Variants in MAN1B1 observed in about 807,000 individuals in gnomAD.
The protein encoded by MAN1B1 is mannosidase alpha class 1B member 1, also known as endoplasmic reticulum mannosyl-oligosaccharide 1,2-alpha-mannosidase.
Under a neutral mutation model 75.5 loss-of-function variants are expected in MAN1B1, and 66 were observed. The observed-to-expected ratio is 0.87, with a 90% CI of 0.72 to 1.07. The LOEUF (loss-of-function observed/expected upper bound fraction) is 1.07. Among genes scored for constraint, MAN1B1 ranks in the 50% least tolerant of loss-of-function variants. MAN1B1 has a pLI of 0.00. For missense variants in MAN1B1, 973 were observed against 912.5 expected, an observed-to-expected ratio of 1.07 and a Z score of -0.85; for synonymous variants, 453 against 382.8, an observed-to-expected ratio of 1.18 and a Z score of -2.14.
chr9:137,107,137 C>T, intron 10 of MAN1B1, 113 bp from the exon 11 acceptor site: 3 of 1,217,128 alleles, frequency 2.5e-6, no homozygotes, highest in East Asian at 2.5e-5. Context: ...GTGGCCTCCC[C>T]TCCCAGGGTA....
chr9:137,101,942 T>TG (rs1441674012), intron 8 of MAN1B1: 2 of 588,570 alleles, frequency 3.4e-6, no homozygotes, highest in African/African-American at 4.0e-5. Flanking sequence ...TTTGGGCTGT[T>TG]GCAGGCGTAC....
chr9:137,099,841 C>G lies in MAN1B1; in HGVS notation c.876C>G (p.Ile292Met), dbSNP rs762612795. The G allele has an allele frequency of 5.6e-6, 9 of 1,614,094 alleles. No homozygotes were observed. The highest frequency in any genetic ancestry group is 1.3e-5 in the African/African-American group (1 of 74,940). ...SEWFGLGLTL[I>M]DALDTMWILG... ...GGTTTGGCCTCGGTCTCACACTGATCGACGCGCTGGACACCATGTGGATCT... is the reference window on the plus strand; with the variant it reads ...GGTTTGGCCTCGGTCTCACACTGATGGACGCGCTGGACACCATGTGGATCT... The change falls in exon 6 of 13, where the codon ATC becomes ATG. Residue 292 changes from isoleucine (I) to methionine (M), a missense_variant. Physicochemically the swap from Ile to Met is conservative, Grantham distance 10. Transcript: ENST00000371589.
rs1831159175 is a variant in MAN1B1 at position 137,107,551 on chromosome 9, G to A, written c.1785G>A (p.Leu595=). 6.2e-7 allele frequency: 1 copy of A among 1,612,790 alleles called. No individual in the cohort carries two copies. Among genetic ancestry groups the A allele is most frequent in the African/African-American group, 1.3e-5 (1 of 75,056 alleles). ...VEVKPADRHN[L]LRPETVESLF... ...CACAGCCAGCAGACAGGCACAACCT[G>A]CTGCGGCCAGAGACCGTGGAGAGCC... Residue 595 remains leucine, a synonymous_variant, in exon 12 of 13, where the codon CTG becomes CTA. Transcript: ENST00000371589.
chr9:137,101,308 A>G (rs545262198), intron 7 of MAN1B1, among the ~76,000 whole-genome samples, 155 bp downstream of exon 7: 2 of 152,278 alleles, frequency 1.3e-5, no homozygotes, highest in East Asian at 1.9e-4. Context: ...TGATGAAGCC[A>G]CTTTGATCAC....
At chr9:137,093,141 C>T (rs1011406114) in intron 3 of MAN1B1, among the ~76,000 whole-genome samples, 5 of 152,158 alleles carry the variant, frequency 3.3e-5, no homozygotes, top group South Asian at 2.1e-4. Context: ...AGTCCCAGCA[C>T]TTTGGGAGGC....
Position 137,108,395 on chromosome 9 carries a change from C to T in MAN1B1, c.1904C>T (p.Ser635Leu), listed in dbSNP as rs745811903. ...QSFSRFTRVP[S>L]GGYSSINNVQ... ...GCCCTGGCTGCTGCACAGGTCCCCT[C>T]GGGTGGCTATTCTTCCATCAACAAT... Residue 635 changes from serine (S) to leucine (L), a missense_variant, in exon 13 of 13, where the codon TCG becomes TTG. By Grantham distance (145) the Ser-to-Leu change is moderately radical. Transcript: ENST00000371589. 41 of 1,613,476 alleles carry T rather than the reference C, an allele frequency of 2.5e-5. No homozygotes were observed. The Middle Eastern group carries it at 6.6e-4, about 26-fold the overall frequency.
rs530080743 is a variant in MAN1B1 at position 137,108,720 on chromosome 9, C to T, written c.*129C>T. Reference sequence around the variant, plus strand: ...CCAGGCTCTGAACTGGCTCTGGGCTCCTCCTCGTCTCTGCTTTAATCAGGA... The same window carrying T: ...CCAGGCTCTGAACTGGCTCTGGGCTTCTCCTCGTCTCTGCTTTAATCAGGA... On this transcript the variant is annotated 3_prime_UTR_variant, in exon 13 of 13. Transcript: ENST00000371589. 3.6e-6 allele frequency: 3 copies of T among 844,042 alleles called. No homozygotes were observed. Among genetic ancestry groups the T allele is most frequent in the African/African-American group, 1.7e-5 (1 of 60,104 alleles). 52.3% of individuals were successfully genotyped at this position (844,042 alleles called of 1,614,324 possible). A position where few individuals can be genotyped will look rare whatever the true frequency, so the allele number is the denominator to read the frequency against.
chr9:137,087,668 G>A, intron 1 of MAN1B1: 1 of 404,116 alleles, frequency 2.5e-6, no homozygotes, highest in Non-Finnish European at 4.7e-6. Context: ...GCATCGCCTG[G>A]GCGGTGCCTG....
Position 137,107,107 on chromosome 9 carries a change from T to C in MAN1B1, c.1567-143T>C, listed in dbSNP as rs952500057. ...GGCCTGGTCCAGGCAGCTCCGCTGT[T>C]CCATGCCAAGTGCCCTCGCGTGGCC... On this transcript the variant is annotated intron_variant, in intron 10 of 12. Coordinates refer to ENST00000371589, the MANE Select transcript of MAN1B1 (RefSeq NM_016219.5). 3 of 908,698 alleles carry C rather than the reference T, an allele frequency of 3.3e-6. No individual in the cohort carries two copies. The African/African-American group carries it at 5.0e-5, about 15-fold the overall frequency. The allele number at this position is 908,698 out of a possible 1,614,324, so 56.3% of individuals were successfully genotyped here.
In MAN1B1 at chr9:137,101,673, G is replaced by C. The variant is rs769815555; in HGVS notation, c.1254+1G>C. The C allele has an allele frequency of 6.2e-7, 1 of 1,611,804 alleles. No individual in the cohort carries two copies. Among genetic ancestry groups the C allele is most frequent in the Admixed American group, 1.7e-5 (1 of 59,918 alleles). ...TCTCACAGGGGATAAGAAGTTTCAG[G>C]TAAGGGGGCAGGCTTTCTGGCTGGA... On this transcript the variant is annotated splice_donor_variant, in intron 8 of 12. Coordinates refer to ENST00000371589, the MANE Select transcript of MAN1B1 (RefSeq NM_016219.5). LOFTEE classifies it high-confidence loss of function.
At chr9:137,098,719 A>G (rs1830725520) in intron 5 of MAN1B1, among the ~76,000 whole-genome samples, 2 of 152,150 alleles carry the variant, frequency 1.3e-5, no homozygotes, top group Admixed American at 6.5e-5. Context: ...ACATTAGTCA[A>G]TGTTGGCCGG....
At position 137,106,750 on chromosome 9, in the gene MAN1B1, G is replaced by T. The variant is rs757690679; in HGVS notation, c.1507G>T (p.Glu503Ter). The change falls in exon 10 of 13, where the codon GAG becomes TAG. Residue 503 changes from glutamate to a stop codon, truncating the protein, a stop_gained. Transcript: ENST00000371589. LOFTEE classifies it high-confidence loss of function. ...CAGAACGCACCTGCTGCGGCACTCCGAGCCCAGTAAGCTCACCTTTGTGGG... is the reference window on the plus strand; with the variant it reads ...CAGAACGCACCTGCTGCGGCACTCCTAGCCCAGTAAGCTCACCTTTGTGGG... ...GVRTHLLRHS[E>*]PSKLTFVGEL... is the part of the protein sequence containing the mutation. 1 of 1,613,466 alleles carries T rather than the reference G, an allele frequency of 6.2e-7. No homozygotes were observed. The highest frequency in any genetic ancestry group is 8.5e-7 in the Non-Finnish European group (1 of 1,179,986).
intron 3 of MAN1B1, among the ~76,000 whole-genome samples, chr9:137,091,481 A>G (rs1354487068): frequency 6.7e-6 from 1 of 148,152 alleles, no homozygotes; most frequent in Admixed American, 6.7e-5. Flanking sequence ...CCTTTCTGTT[A>G]ACGTTTTACT....
At chr9:137,087,876 G>C (rs921370835) in intron 1 of MAN1B1, among the ~76,000 whole-genome samples, 199 bp from the exon 2 acceptor site, 1 of 152,088 alleles carries the variant, frequency 6.6e-6, no homozygotes, top group African/African-American at 2.4e-5. Flanking sequence ...GGCCGGGCAC[G>C]GTGGCTCATC....
intron 3 of MAN1B1, among the ~76,000 whole-genome samples, chr9:137,095,406 C>T (rs1212771345): frequency 6.6e-6 from 1 of 151,810 alleles, no homozygotes. Flanking sequence ...TCTAAATATC[C>T]ATCAGTAAAG....
In MAN1B1 at chr9:137,100,424, A is replaced by G. The variant is rs528765081; in HGVS notation, c.916+543A>G. 5.9e-5 allele frequency among the ~76,000 whole-genome samples: 9 copies of G among 152,250 alleles called. No individual in the cohort carries two copies. The East Asian group carries it at 1.4e-3, about 23-fold the overall frequency. The stretch of plus-strand genomic sequence containing the variant: ...CACTGCTGACTCCGTTTTATTAACA[A>G]ATGTTGACGACTTCAAGATTTACCC... On this transcript the variant is annotated intron_variant, in intron 6 of 12. Transcript: ENST00000371589.
chr9:137,092,627 G>C (rs2130995029), intron 3 of MAN1B1, among the ~76,000 whole-genome samples: 1 of 152,276 alleles, frequency 6.6e-6, no homozygotes, highest in Admixed American at 6.5e-5. Flanking sequence ...AAACTATTAA[G>C]AGTTAAAGGT....
chr9:137,107,283 GC>G lies in MAN1B1; in HGVS notation c.1601del (p.Ala534ValfsTer26). 6.2e-7 allele frequency: 1 copy of G among 1,613,098 alleles called. No homozygotes were observed. Among genetic ancestry groups the G allele is most frequent in the Non-Finnish European group, 8.5e-7 (1 of 1,179,990 alleles). The part of the protein sequence containing the change: ...HLVCFLPGTL[A>X]LGVYHGLPAS... Reference sequence around the variant, plus strand: ...GGTGTGCTTCCTGCCAGGGACGCTGGCTCTGGGCGTCTACCACGGCCTGCCC... The same window carrying G: ...GGTGTGCTTCCTGCCAGGGACGCTGGTCTGGGCGTCTACCACGGCCTGCCC... On this transcript the variant is annotated frameshift_variant, in exon 11 of 13. Transcript: ENST00000371589. LOFTEE classifies it high-confidence loss of function.
At chr9:137,088,546 T>C in intron 2 of MAN1B1, 1 of 959,192 alleles carries the variant, frequency 1.0e-6, no homozygotes, top group South Asian at 1.3e-5. Flanking sequence ...ATGTGGAGAA[T>C]CTCTTCTCAC....
Sources: gnomAD v4.1 joint callset for allele counts (sites outside exome capture counted in the v4.1 genomes callset) on GRCh38, gnomAD v4.1.1 for gene constraint, MANE v1.5 for transcripts, NCBI Gene and HGNC (gene_info 2026-07-23, HGNC 2026-07-21) for gene names.